The following TASP1 variants were observed in gnomAD, a reference collection of about 807,000 sequenced individuals.
The protein encoded by TASP1 is threonine aspartase 1.
A neutral mutation model predicts 56.6 loss-of-function variants in TASP1; 16 were observed. The observed-to-expected ratio is 0.28, with a 90% confidence interval of 0.19 to 0.43. TASP1 has a LOEUF of 0.43. TASP1 is among the 20% of genes least tolerant of loss of function. The probability of loss-of-function intolerance (pLI) is 1.00; values close to 1 mark genes in which losing one functional copy is unlikely to be tolerated. For missense variants in TASP1, 393 were observed against 511.6 expected, an observed-to-expected ratio of 0.77 and a Z score of 2.24; for synonymous variants, 179 against 184.2, an observed-to-expected ratio of 0.97 and a Z score of 0.23.
At chr20:13,284,407 G>A in the TASP1 span, among the ~76,000 whole-genome samples, 2 of 152,318 alleles carry the variant, frequency 1.3e-5, no homozygotes, top group African/African-American at 4.8e-5. Flanking sequence ...CACAGCCAGG[G>A]GCTGTCAAAG....
chr20:13,565,054 A>G (rs942146210), intron 7 of TASP1, among the ~76,000 whole-genome samples: 3 of 152,192 alleles, frequency 2.0e-5, no homozygotes, highest in East Asian at 1.9e-4. Flanking sequence ...GCCATTACAC[A>G]GAAAAATGCA....
the TASP1 span, among the ~76,000 whole-genome samples, chr20:13,133,690 G>A: frequency 6.6e-6 from 1 of 152,098 alleles, no homozygotes; most frequent in African/African-American, 2.4e-5. Context: ...GCTGAGTTAA[G>A]GGGTAGCACC....
chr20:13,459,061 C>T (rs2043955249), intron 11 of TASP1, among the ~76,000 whole-genome samples: 1 of 152,156 alleles, frequency 6.6e-6, no homozygotes, highest in Admixed American at 6.5e-5. Flanking sequence ...CTAGAGGCCA[C>T]TCTCCATCAC....
chr20:13,318,230 A>G, the TASP1 span, among the ~76,000 whole-genome samples: 3 of 152,180 alleles, frequency 2.0e-5, no homozygotes, highest in African/African-American at 7.2e-5. Flanking sequence ...AAGCATATAA[A>G]AAGATATTTC....
chr20:13,178,354 CA>C, the TASP1 span, among the ~76,000 whole-genome samples: 1 of 151,868 alleles, frequency 6.6e-6, no homozygotes, highest in Non-Finnish European at 1.5e-5. Context: ...GAAGGTTCCC[CA>C]AAAAACCTCA....
At chr20:13,575,329 T>C (rs923585268) in intron 6 of TASP1, among the ~76,000 whole-genome samples, 5 of 152,316 alleles carry the variant, frequency 3.3e-5, no homozygotes, top group South Asian at 2.1e-4. Flanking sequence ...AAATCTTATA[T>C]TGAATTGTAG....
At chr20:13,495,591 A>G (rs963549165) in intron 10 of TASP1, among the ~76,000 whole-genome samples, 10 of 152,220 alleles carry the variant, frequency 6.6e-5, no homozygotes, top group African/African-American at 2.2e-4. Context: ...AGATGAAAGT[A>G]GCAGATAAAA....
intron 12 of TASP1, among the ~76,000 whole-genome samples, chr20:13,426,513 C>T (rs938844536): frequency 7.9e-5 from 12 of 152,030 alleles, no homozygotes; most frequent in African/African-American, 2.7e-4. Context: ...AAATCTATTT[C>T]CAATATTCAG....
the TASP1 span, chr20:13,299,522 C>A: frequency 6.8e-7 from 1 of 1,468,424 alleles, no homozygotes; most frequent in Non-Finnish European, 9.2e-7. This position sits in a 1 kb window ranked among gnomAD's most constrained non-coding sequence, Gnocchi z 5.8. Context: ...GCTGCACTGA[C>A]GTGCCGACTG....
chr20:13,292,374 G>A, the TASP1 span: 8 of 1,591,676 alleles, frequency 5.0e-6, no homozygotes, highest in Non-Finnish European at 6.9e-6. Context: ...CTGTGTTTAG[G>A]AATTGAAGAC....
At chr20:13,608,783 G>A (rs757329664) in intron 4 of TASP1, among the ~76,000 whole-genome samples, 11 of 152,306 alleles carry the variant, frequency 7.2e-5, no homozygotes, top group Non-Finnish European at 1.2e-4. Context: ...TCTAAACCAC[G>A]GGGATATAGC....
intron 6 of TASP1, among the ~76,000 whole-genome samples, chr20:13,570,381 C>T (rs1278041205): frequency 2.6e-5 from 4 of 152,086 alleles, no homozygotes; most frequent in Non-Finnish European, 4.4e-5. Context: ...TAATGGATTC[C>T]TTGAACTTGT....
intron 8 of TASP1, among the ~76,000 whole-genome samples, chr20:13,541,266 C>T (rs1381385317): frequency 6.6e-6 from 1 of 152,144 alleles, no homozygotes; most frequent in East Asian, 1.9e-4. Context: ...TTCCTGGAAG[C>T]TCAGTAGGCC....
At chr20:13,128,686 T>G in the TASP1 span, among the ~76,000 whole-genome samples, 3 of 151,718 alleles carry the variant, frequency 2.0e-5, no homozygotes, top group African/African-American at 4.8e-5. Context: ...TTCTTTTTTG[T>G]TTTTTGGGTT....
intron 7 of TASP1, among the ~76,000 whole-genome samples, chr20:13,567,807 CAG>C (rs1358173230): frequency 6.6e-6 from 1 of 152,062 alleles, no homozygotes; most frequent in Non-Finnish European, 1.5e-5. Flanking sequence ...ATCCAGGAAA[CAG>C]AGAACCTGAT....
At chr20:13,341,339 G>A in the TASP1 span, among the ~76,000 whole-genome samples, 119 of 152,152 alleles carry the variant, frequency 7.8e-4, no homozygotes, top group East Asian at 4.8e-3. Context: ...TATATGAACC[G>A]ATGCTTTTAT....
chr20:13,485,750 G>C (rs2043300747), intron 10 of TASP1, among the ~76,000 whole-genome samples: 1 of 152,158 alleles, frequency 6.6e-6, no homozygotes, highest in African/African-American at 2.4e-5. Flanking sequence ...ATTGTGCTTA[G>C]CTCATGAAAC....
chr20:13,394,643 A>C (rs2041454907), intron 13 of TASP1, among the ~76,000 whole-genome samples: 1 of 151,808 alleles, frequency 6.6e-6, no homozygotes, highest in South Asian at 2.1e-4. Context: ...TTTTTTTTAA[A>C]GTATAGACTA....
At chr20:13,279,420 C>T in the TASP1 span, among the ~76,000 whole-genome samples, 8 of 152,100 alleles carry the variant, frequency 5.3e-5, no homozygotes, top group Admixed American at 4.6e-4. Context: ...ATGAATTTTC[C>T]CCTCCCAACC....
Sources: allele counts gnomAD v4.1 joint callset (sites outside exome capture counted in the v4.1 genomes callset), GRCh38; gene constraint gnomAD v4.1.1; non-coding constraint Gnocchi (gnomAD v3.1); transcripts MANE v1.5; gene names NCBI Gene and HGNC (gene_info 2026-07-23, HGNC 2026-07-21).